Variants in ZNF236 observed in about 807,000 individuals in gnomAD.
ZNF236 encodes the protein zinc finger protein 236.
In ZNF236, 50 loss-of-function variants were observed where a neutral mutation model predicts 191.2. The observed-to-expected ratio is 0.26, with a 90% CI of 0.21 to 0.33. The LOEUF (loss-of-function observed/expected upper bound fraction) is 0.33, where lower values mean the gene tolerates loss of function less well. ZNF236 is among the 10% of genes least tolerant of loss of function. The pLI, the probability that ZNF236 is intolerant of heterozygous loss-of-function variation, is 1.00. For missense variants in ZNF236, 1,754 were observed against 2,374.5 expected, an observed-to-expected ratio of 0.74 and a Z score of 5.43; for synonymous variants, 907 against 928.8, an observed-to-expected ratio of 0.98 and a Z score of 0.43.
At chr18:76,917,990 ATC>A (rs1433588895) in intron 19 of ZNF236, among the ~76,000 whole-genome samples, 7 of 151,148 alleles carry the variant, frequency 4.6e-5, no homozygotes, top group Non-Finnish European at 1.5e-5. Context: ...ATCCCCTCCC[ATC>A]TCTCATCTTT....
At chr18:76,862,861 C>T (rs890251875) in intron 3 of ZNF236, among the ~76,000 whole-genome samples, 3 of 152,134 alleles carry the variant, frequency 2.0e-5, no homozygotes, top group Admixed American at 2.0e-4. Context: ...CAGACACGAG[C>T]CAGCACAGTC....
chr18:76,928,809 A>C (rs1967775731), intron 25 of ZNF236, among the ~76,000 whole-genome samples: 3 of 152,030 alleles, frequency 2.0e-5, no homozygotes, highest in African/African-American at 7.2e-5. Flanking sequence ...TCTTAACTAT[A>C]AACTCTTTGT....
intron 1 of ZNF236, among the ~76,000 whole-genome samples, chr18:76,842,666 G>A (rs912312729): frequency 6.6e-6 from 1 of 151,716 alleles, no homozygotes. Context: ...CAGGAGAATC[G>A]CTTGAACCCG....
At chr18:76,860,029 G>A (rs1046946383) in intron 3 of ZNF236, among the ~76,000 whole-genome samples, 1 of 152,160 alleles carries the variant, frequency 6.6e-6, no homozygotes, top group African/African-American at 2.4e-5. Flanking sequence ...CCGCTCAGCC[G>A]CTGGGAGGAG....
chr18:76,947,449 T>G (rs1467377290), intron 26 of ZNF236, 72 bp from the exon 27 acceptor site: 1 of 1,552,106 alleles, frequency 6.4e-7, no homozygotes, highest in African/African-American at 1.4e-5. Flanking sequence ...AGCTGCACCA[T>G]AAAAGATCTT....
intron 3 of ZNF236, among the ~76,000 whole-genome samples, chr18:76,852,723 A>T (rs17059976): frequency 0.065 from 9,844 of 152,268 alleles, 1,044 homozygotes; most frequent in African/African-American, 0.22. Context: ...AAAAAGTTAA[A>T]GGAGAAAGTC....
intron 21 of ZNF236, 63 bp downstream of exon 21, chr18:76,923,237 C>T (rs1300938553): frequency 3.4e-6 from 4 of 1,180,474 alleles, no homozygotes; most frequent in East Asian, 4.8e-5. Flanking sequence ...ATGTTTTGTT[C>T]CTATATATTT....
At position 76,899,097 on chromosome 18, in the gene ZNF236, A is replaced by C; in HGVS notation, c.1769A>C (p.His590Pro). The C allele has an allele frequency of 6.2e-7, 1 of 1,614,208 alleles. No individual in the cohort carries two copies. Among genetic ancestry groups the C allele is most frequent in the Non-Finnish European group, 8.5e-7 (1 of 1,180,026 alleles). The change falls in exon 11 of 31, where the codon CAC (histidine) becomes CCC (proline). Residue 590 changes from histidine (H) to proline (P), a missense_variant. His to Pro is a moderately conservative substitution (Grantham distance 77, BLOSUM62 -2). Transcript: ENST00000320610. ...CATAGGAAGACTCACATTGCTTCCC[A>C]CTTTAAACATACGGAATTAAGGAAA... ...SGHRKTHIASHFKHTELRKMR... is the reference protein window; with the variant it reads ...SGHRKTHIASPFKHTELRKMR...
chr18:76,846,277 G>T (rs140298169), intron 1 of ZNF236, among the ~76,000 whole-genome samples: 350 of 152,280 alleles, frequency 2.3e-3, no homozygotes, highest in Non-Finnish European at 3.3e-3. Context: ...GATAGACCTC[G>T]TTCTGAACAA....
intron 4 of ZNF236, among the ~76,000 whole-genome samples, chr18:76,870,384 T>C (rs2658746): frequency 0.4 from 60,501 of 152,066 alleles, 12,057 homozygotes; most frequent in East Asian, 0.53. Flanking sequence ...GAGGCTTTAA[T>C]GCAGGCATTT....
In ZNF236 at chr18:76,877,852, T is replaced by C. The variant is rs143716383; in HGVS notation, c.841-157T>C. On this transcript the variant is annotated intron_variant, in intron 6 of 30. Coordinates refer to ENST00000320610, the MANE Select transcript of ZNF236 (RefSeq NM_001306089.2). ...GTTTAAAGAGTAGGGTCATTGATTC[T>C]AGAACTATCTAATTTAAAAGAAAAA... is the stretch of plus-strand genomic sequence containing the variant. 2.3e-4 allele frequency among the ~76,000 whole-genome samples: 35 copies of C among 152,362 alleles called. No homozygotes were observed. The East Asian group carries it at 6.5e-3, about 28-fold the overall frequency.
At chr18:76,849,226 C>T (rs1975787561) in intron 1 of ZNF236, 3 of 258,702 alleles carry the variant, frequency 1.2e-5, no homozygotes, top group Non-Finnish European at 2.2e-5. Flanking sequence ...ATCATTATGG[C>T]TTTTGTGTGT....
chr18:76,922,979 C>A (rs566578899), intron 20 of ZNF236, 92 bp from the exon 21 acceptor site: 4 of 941,364 alleles, frequency 4.2e-6, no homozygotes, highest in Non-Finnish European at 6.6e-6. Context: ...TTAAGCAGAA[C>A]GTAGTAACAC....
At position 76,910,130 on chromosome 18, in the gene ZNF236, C is replaced by A. The variant is rs1967178547; in HGVS notation, c.2614C>A (p.Pro872Thr). Residue 872 changes from proline (P) to threonine (T), a missense_variant, in exon 15 of 31, where the codon CCT becomes ACT. Around this residue, in one of 5 missense-constraint regions of ZNF236, gnomAD observed 641 missense variants for 869.6 expected, o/e 0.74. Transcript: ENST00000320610. ...CGTAGACCAGTTTGAAGAGCAGAGC[C>A]CTGCGCAACAGTCCTTCGAACCAGC... Reference protein sequence around the residue: ...GHVDQFEEQSPAQQSFEPAGL... With the variant: ...GHVDQFEEQSTAQQSFEPAGL... 6.2e-7 allele frequency: 1 copy of A among 1,613,428 alleles called. No homozygotes were observed. The highest frequency in any genetic ancestry group is 8.5e-7 in the Non-Finnish European group (1 of 1,179,518).
chr18:76,838,754 A>G (rs1205472684), intron 1 of ZNF236, among the ~76,000 whole-genome samples: 1 of 152,218 alleles, frequency 6.6e-6, no homozygotes, highest in Non-Finnish European at 1.5e-5. Flanking sequence ...TATAACACAC[A>G]GAGAAGAACA....
Position 76,880,199 on chromosome 18 carries a change from C to T in ZNF236, c.1071C>T (p.Ser357=), listed in dbSNP as rs888916591. 16 of 1,614,050 alleles carry T rather than the reference C, an allele frequency of 9.9e-6. No homozygotes were observed. The highest frequency in any genetic ancestry group is 5.0e-5 in the Admixed American group (3 of 60,004). Residue 357 remains serine, a synonymous_variant, in exon 8 of 31, where the codon AGC becomes AGT. Transcript: ENST00000320610. The surrounding 1 kb of genome is among the most constrained non-coding windows in gnomAD (Gnocchi z 5.0). ...GCCAGCCGAGCTCCCAGGCGGTGAG[C>T]GACGTCATCCAGCAGCTCCTGGAGC... is the stretch of plus-strand genomic sequence containing the variant. The part of the protein sequence containing the change: ...ASSQPSSQAV[S]DVIQQLLELS...
chr18:76,850,176 A>G (rs998225961), intron 2 of ZNF236, among the ~76,000 whole-genome samples: 3 of 152,182 alleles, frequency 2.0e-5, no homozygotes, highest in Non-Finnish European at 4.4e-5. Flanking sequence ...CCTTAATGGA[A>G]TGATTTTCCT....
intron 3 of ZNF236, 35 bp from the exon 4 acceptor site, chr18:76,868,650 G>A (rs1976491033): frequency 6.4e-7 from 1 of 1,554,680 alleles, no homozygotes; most frequent in South Asian, 1.2e-5. Flanking sequence ...GTTTTGAAAG[G>A]TTTGCTCTGC....
At chr18:76,882,842 G>C (rs568049451) in intron 9 of ZNF236, among the ~76,000 whole-genome samples, 3 of 152,188 alleles carry the variant, frequency 2.0e-5, no homozygotes, top group Non-Finnish European at 4.4e-5. Context: ...CGTATATTTC[G>C]ATTAGCTGTG....
Sources: gnomAD v4.1 joint callset for allele counts (sites outside exome capture counted in the v4.1 genomes callset) on GRCh38, gnomAD v4.1.1 for gene constraint, gnomAD v4.1.1 regional missense constraint, Gnocchi (gnomAD v3.1) non-coding constraint, MANE v1.5 for transcripts, NCBI Gene and HGNC (gene_info 2026-07-23, HGNC 2026-07-21) for gene names.